KCNT2: variants seen among roughly 807,000 people sequenced by gnomAD.
KCNT2 encodes the protein potassium channel subfamily T member 2.
Under a neutral mutation model 153.8 loss-of-function variants are expected in KCNT2, and 67 were observed. The observed-to-expected ratio is 0.44, with a 90% CI of 0.36 to 0.53. The LOEUF (loss-of-function observed/expected upper bound fraction) is 0.53, where lower values mean the gene tolerates loss of function less well. Among genes scored for constraint, KCNT2 ranks in the 20% least tolerant of loss-of-function variants. KCNT2 has a pLI of 0.00. For synonymous variants in KCNT2, 500 were observed against 458.8 expected (o/e 1.09, Z -1.15); for missense variants, 975 against 1,354.8 (o/e 0.72, Z 4.40).
chr1:196,285,514 A>G (rs1659574543), intron 23 of KCNT2, 143 bp downstream of exon 23: 1 of 551,244 alleles, frequency 1.8e-6, no homozygotes, highest in African/African-American at 1.9e-5. Flanking sequence ...GTCATTAAGT[A>G]CATGAAATAA....
At chr1:196,308,916 T>C (rs1439967309) in intron 21 of KCNT2, among the ~76,000 whole-genome samples, 1 of 152,016 alleles carries the variant, frequency 6.6e-6, no homozygotes, top group African/African-American at 2.4e-5. Context: ...TTAGCCTTAA[T>C]GAATAATTAT....
chr1:196,471,238 C>T lies in KCNT2; in HGVS notation c.385-2170G>A, dbSNP rs992120223. On this transcript the variant is annotated intron_variant, in intron 5 of 27. Transcript: ENST00000294725. ...TTCTTAAATACTAAACTGTGATTTG[C>T]CGTATGAATGAAAAGACCAGAAAAG... 1.1e-4 allele frequency among the ~76,000 whole-genome samples: 16 copies of T among 151,962 alleles called. No individual in the cohort carries two copies. In the East Asian group the frequency reaches 3.1e-3, roughly 30 times the overall value.
chr1:196,347,013 A>G (rs1352888040), intron 14 of KCNT2, among the ~76,000 whole-genome samples: 1 of 152,156 alleles, frequency 6.6e-6, no homozygotes, highest in Non-Finnish European at 1.5e-5. Flanking sequence ...CTGAGGTTCA[A>G]TGGCTTTGAT....
intron 12 of KCNT2, among the ~76,000 whole-genome samples, chr1:196,413,426 T>C: frequency 6.6e-6 from 1 of 151,702 alleles, no homozygotes; most frequent in Middle Eastern, 3.2e-3. Context: ...TTTTTATTAA[T>C]TGGACTTGAA....
At chr1:196,593,404 A>T (rs1663654721) in intron 1 of KCNT2, among the ~76,000 whole-genome samples, 1 of 151,048 alleles carries the variant, frequency 6.6e-6, no homozygotes, top group Non-Finnish European at 1.5e-5. Context: ...ATTGAAGGGC[A>T]TTTGGGCTGA....
chr1:196,547,629 T>C (rs1657282141), intron 1 of KCNT2, among the ~76,000 whole-genome samples: 1 of 151,972 alleles, frequency 6.6e-6, no homozygotes, highest in Admixed American at 6.6e-5. Flanking sequence ...AAATTCTTTC[T>C]TACCCTTTCA....
rs1174517109 is a variant in KCNT2, at chr1:196,556,819, T to C, written c.95+51396A>G. On this transcript the variant is annotated intron_variant, in intron 1 of 27. Coordinates refer to ENST00000294725, the MANE Select transcript of KCNT2 (RefSeq NM_198503.5). ...AACCATAAAAAAGAATATGATTTTG[T>C]CATTTGCAACAACATGGATGGAACT... Among the ~76,000 whole-genome samples, 3 of 151,456 alleles carry C rather than the reference T, an allele frequency of 2.0e-5. No individual in the cohort carries two copies. In the Admixed American group the frequency reaches 2.0e-4, roughly 10 times the overall value.
intron 23 of KCNT2, among the ~76,000 whole-genome samples, chr1:196,283,447 A>G: frequency 6.6e-6 from 1 of 152,112 alleles, no homozygotes; most frequent in Non-Finnish European, 1.5e-5. Flanking sequence ...AACAACAAAC[A>G]AACAAAAAAT....
intron 1 of KCNT2, among the ~76,000 whole-genome samples, chr1:196,498,375 A>G (rs1175534837): frequency 1.3e-5 from 2 of 152,184 alleles, no homozygotes; most frequent in African/African-American, 4.8e-5. Context: ...ATAGATCACT[A>G]TCAGAGGAAG....
intron 1 of KCNT2, among the ~76,000 whole-genome samples, chr1:196,573,877 C>T (rs1661055570): frequency 6.6e-6 from 1 of 151,436 alleles, no homozygotes; most frequent in South Asian, 2.1e-4. Flanking sequence ...TTCTCAGTCA[C>T]TTAGAGGACT....
intron 1 of KCNT2, among the ~76,000 whole-genome samples, chr1:196,506,365 T>C (rs1418434441): frequency 6.6e-6 from 1 of 152,152 alleles, no homozygotes; most frequent in East Asian, 1.9e-4. Context: ...AAACGTATAA[T>C]TGGAAAAACA....
intron 1 of KCNT2, among the ~76,000 whole-genome samples, chr1:196,591,519 G>A (rs1034291778): frequency 1.5e-4 from 23 of 152,112 alleles, no homozygotes; most frequent in Non-Finnish European, 2.8e-4. Context: ...GTTAAAAGAA[G>A]TTTTGCATTC....
intron 22 of KCNT2, 32 bp downstream of exon 22, chr1:196,305,202 A>C: frequency 8.2e-7 from 1 of 1,217,834 alleles, no homozygotes; most frequent in Non-Finnish European, 1.2e-6. Flanking sequence ...AAGATGGTTA[A>C]ATCTAATTTA....
In KCNT2 at chr1:196,435,139, GTATATATATATA is replaced by G. The variant is rs1166021273; in HGVS notation, c.639-5394_639-5383del. On this transcript the variant is annotated intron_variant, in intron 8 of 27. Transcript: ENST00000294725. ...TAGATACTTATGTGTGTGTGTGTATGTATATATATATATATATATATATATATATATATATAT... is the reference window on the plus strand; with the variant it reads ...TAGATACTTATGTGTGTGTGTGTATGTATATATATATATATATATATATAT... 3.3e-3 allele frequency among the ~76,000 whole-genome samples: 153 copies of G among 45,726 alleles called. 9 individuals carry two copies. In the East Asian group the frequency reaches 0.056, roughly 17 times the overall value. 30.0% of individuals were successfully genotyped at this position (45,726 alleles called of 152,430 possible).
chr1:196,435,888 G>C (rs553136725), intron 8 of KCNT2, among the ~76,000 whole-genome samples: 34 of 151,686 alleles, frequency 2.2e-4, no homozygotes, highest in African/African-American at 7.7e-4. Flanking sequence ...CCTCCTCAAA[G>C]AGTTGAAATT....
chr1:196,288,467 C>T (rs759874384), intron 22 of KCNT2, among the ~76,000 whole-genome samples: 6 of 151,880 alleles, frequency 4.0e-5, no homozygotes, highest in Non-Finnish European at 7.4e-5. Context: ...AGGAGTGATA[C>T]GATTATGTTT....
At position 196,247,085 on chromosome 1, in the gene KCNT2, T is replaced by C. The variant is rs568567627; in HGVS notation, c.3212-11015A>G. 1.6e-4 allele frequency among the ~76,000 whole-genome samples: 25 copies of C among 151,914 alleles called. No individual in the cohort carries two copies. The East Asian group carries it at 4.8e-3, about 29-fold the overall frequency. ...ACACACATAGACTGAAAAAAAGGTA[T>C]GGAAAAAGACATTCCATGCCAATAG... On this transcript the variant is annotated intron_variant, in intron 26 of 27. Transcript: ENST00000294725.
At chr1:196,378,757 G>T (rs1669192323) in intron 13 of KCNT2, among the ~76,000 whole-genome samples, 1 of 147,298 alleles carries the variant, frequency 6.8e-6, no homozygotes, top group African/African-American at 2.5e-5. Flanking sequence ...AATACAATAT[G>T]TAATATAATA....
chr1:196,230,646 A>C (rs1288962964), intron 27 of KCNT2, among the ~76,000 whole-genome samples: 1 of 152,000 alleles, frequency 6.6e-6, no homozygotes, highest in African/African-American at 2.4e-5. Context: ...TCAATGGAGG[A>C]AGTAACTGCA....
Sources: gnomAD v4.1 joint callset for allele counts (sites outside exome capture counted in the v4.1 genomes callset) on GRCh38, gnomAD v4.1.1 for gene constraint, MANE v1.5 for transcripts, NCBI Gene and HGNC (gene_info 2026-07-23, HGNC 2026-07-21) for gene names.